Variants in CKMT1B observed in about 807,000 individuals in gnomAD.
CKMT1B encodes creatine kinase U-type, mitochondrial.
In CKMT1B, 13 loss-of-function variants were observed where a neutral mutation model predicts 21.8. The observed-to-expected ratio is 0.60, with a 90% CI of 0.39 to 0.95. The LOEUF (loss-of-function observed/expected upper bound fraction) is 0.95. CKMT1B is among the 40% of genes least tolerant of loss of function. The probability of loss-of-function intolerance (pLI) is 0.00; values close to 1 mark genes in which losing one functional copy is unlikely to be tolerated. For synonymous variants in CKMT1B, 50 were observed against 80.3 expected (o/e 0.62, Z 2.02); for missense variants, 157 against 227.5 (o/e 0.69, Z 1.99).
chr15:43,598,363 A>T (rs1317729608), intron 7 of CKMT1B, 36 bp downstream of exon 7: 1 of 1,595,794 alleles, frequency 6.3e-7, no homozygotes, highest in Admixed American at 1.7e-5. Flanking sequence ...GGGTGTGAGT[A>T]AGGAAGGGTG....
rs532632372 is a variant in CKMT1B, at chr15:43,596,666, C to T, written c.876+135C>T. 307 of 1,407,906 alleles carry T rather than the reference C, an allele frequency of 2.2e-4. 37 individuals are homozygous for T. In the East Asian group the frequency reaches 6.1e-3, roughly 28 times the overall value. The allele number at this position is 1,407,906 out of a possible 1,614,324, so 87.2% of individuals were successfully genotyped here. A position where few individuals can be genotyped will look rare whatever the true frequency, so the allele number is the denominator to read the frequency against. On this transcript the variant is annotated intron_variant, in intron 6 of 8. Coordinates refer to ENST00000441322, the MANE Select transcript of CKMT1B (RefSeq NM_001375484.1). Reference sequence around the variant, plus strand: ...AAAAAGGACTATCTAGGACTCACTCCAGGACTAAAGGTGTAAACCAGCTGG... The same window carrying T: ...AAAAAGGACTATCTAGGACTCACTCTAGGACTAAAGGTGTAAACCAGCTGG...
intron 8 of CKMT1B, 37 bp downstream of exon 8, chr15:43,598,989 G>C (rs1485009235): frequency 6.2e-7 from 1 of 1,608,544 alleles, no homozygotes; most frequent in Non-Finnish European, 8.5e-7. Context: ...GAGAGGTATA[G>C]GTCTGCGAGG....
chr15:43,598,680 C>A (rs1374688129), intron 7 of CKMT1B, 147 bp from the exon 8 acceptor site: 4 of 1,148,880 alleles, frequency 3.5e-6, no homozygotes, highest in East Asian at 5.6e-5. Flanking sequence ...CAGAGAGAGA[C>A]CCTGTCTAAA....
At chr15:43,597,547 C>G in intron 6 of CKMT1B, 1 of 1,130,600 alleles carries the variant, frequency 8.8e-7, no homozygotes, top group South Asian at 1.7e-5. Context: ...AAAGAGGATC[C>G]CTTTACTCAT....
chr15:43,597,536 T>C lies in CKMT1B; in HGVS notation c.877-657T>C, dbSNP rs3890552. Reference sequence around the variant, plus strand: ...CTATGGCATGGTTCCTTCTGAACTATAAAGAGGATCCCTTTACTCATGTTG... The same window carrying C: ...CTATGGCATGGTTCCTTCTGAACTACAAAGAGGATCCCTTTACTCATGTTG... On this transcript the variant is annotated intron_variant, in intron 6 of 8. Coordinates refer to ENST00000441322, the MANE Select transcript of CKMT1B (RefSeq NM_001375484.1). The C allele has an allele frequency of 9.7e-4, 1,145 of 1,174,898 alleles. 119 individuals carry two copies. In the African/African-American group the frequency reaches 0.018, roughly 18 times the overall value. 72.8% of individuals were successfully genotyped at this position (1,174,898 alleles called of 1,614,324 possible).
chr15:43,598,371 G>C, intron 7 of CKMT1B, 44 bp downstream of exon 7: 1 of 1,596,158 alleles, frequency 6.3e-7, no homozygotes, highest in South Asian at 1.1e-5. Context: ...GTAAGGAAGG[G>C]TGGGTTGTGG....
intron 6 of CKMT1B, chr15:43,597,481 T>A: frequency 1.6e-6 from 2 of 1,259,342 alleles, no homozygotes; most frequent in Admixed American, 5.0e-5. Context: ...TGGAAGAGTT[T>A]CCCCCCATGT....
Position 43,596,087 on chromosome 15 carries a change from T to C in CKMT1B, c.666+10T>C. Reference sequence around the variant, plus strand: ...GCAGCAGCTTATTGATGTGAGGGCCTTAAGAGGGTGCTGGTTGGTGGGAGC... The same window carrying C: ...GCAGCAGCTTATTGATGTGAGGGCCCTAAGAGGGTGCTGGTTGGTGGGAGC... On this transcript the variant is annotated intron_variant, in intron 4 of 8. Transcript: ENST00000441322. 2 of 276,520 alleles carry C rather than the reference T, an allele frequency of 7.2e-6. No homozygotes were observed. Among genetic ancestry groups the C allele is most frequent in the Non-Finnish European group, 1.2e-5 (2 of 163,864 alleles). 17.1% of individuals were successfully genotyped at this position (276,520 alleles called of 1,614,324 possible).
chr15:43,598,073 T>C lies in CKMT1B; in HGVS notation c.877-120T>C, dbSNP rs1028132440. The C allele has an allele frequency of 5.8e-5, 86 of 1,487,052 alleles. 1 individual carries two copies. The highest frequency in any genetic ancestry group is 1.8e-4 in the Middle Eastern group (1 of 5,564). 92.1% of individuals were successfully genotyped at this position (1,487,052 alleles called of 1,614,324 possible). A position where few individuals can be genotyped will look rare whatever the true frequency, so the allele number is the denominator to read the frequency against. ...TTTAAAAAAAGACCAATGTCATTCA[T>C]TCACAGCCAAGTTTCTGTTCTAGAC... On this transcript the variant is annotated intron_variant, in intron 6 of 8. Transcript: ENST00000441322.
At position 43,599,383 on chromosome 15, in the gene CKMT1B, G is replaced by A. The variant is rs1250063077; in HGVS notation, c.*110G>A. Reference sequence around the variant, plus strand: ...CCCCGCATCCCCTGCCTCCATCCTAGTAAAGACTCCTTGCTATGCTGCAGC... The same window carrying A: ...CCCCGCATCCCCTGCCTCCATCCTAATAAAGACTCCTTGCTATGCTGCAGC... On this transcript the variant is annotated 3_prime_UTR_variant, in exon 9 of 9. Coordinates refer to ENST00000441322, the MANE Select transcript of CKMT1B (RefSeq NM_001375484.1). The A allele has an allele frequency of 6.4e-7, 1 of 1,554,770 alleles. No homozygotes were observed. Among genetic ancestry groups the A allele is most frequent in the Non-Finnish European group, 8.8e-7 (1 of 1,139,224 alleles).
Position 43,596,436 on chromosome 15 carries a change from T to C in CKMT1B, c.781T>C (p.Trp261Arg). Residue 261 changes from tryptophan (W) to arginine (R), a missense_variant, in exon 6 of 9, where the codon TGG becomes CGG. Physicochemically the swap from Trp to Arg is moderately radical, Grantham distance 101 (BLOSUM62 -3). Coordinates refer to ENST00000441322, the MANE Select transcript of CKMT1B (RefSeq NM_001375484.1). ...CAACAATGAGAAGAGCTTCCTGATC[T>C]GGGTGAATGAGGAGGATCATACACG... is the stretch of plus-strand genomic sequence containing the variant. ...WHNNEKSFLI[W>R]VNEEDHTRVI... 6.3e-7 allele frequency: 1 copy of C among 1,589,164 alleles called. No homozygotes were observed. The highest frequency in any genetic ancestry group is 1.1e-5 in the South Asian group (1 of 89,982).
At position 43,598,207 on chromosome 15, in the gene CKMT1B, C is replaced by T; in HGVS notation, c.891C>T (p.Ile297=). ...TGTGGACTCAGGTGGAGAGACTTAT[C>T]CAAGAACGTGGCTGGGAGTTCATGT... ...CRGLKEVERL[I]QERGWEFMWN... The change falls in exon 7 of 9, where the codon ATC becomes ATT. Residue 297 remains isoleucine, a synonymous_variant. Coordinates refer to ENST00000441322, the MANE Select transcript of CKMT1B (RefSeq NM_001375484.1). The T allele has an allele frequency of 6.2e-7, 1 of 1,608,444 alleles. No individual in the cohort carries two copies. The highest frequency in any genetic ancestry group is 1.7e-4 in the Middle Eastern group (1 of 6,054).
chr15:43,597,852 T>A, intron 6 of CKMT1B: 4 of 1,189,558 alleles, frequency 3.4e-6, no homozygotes, highest in Non-Finnish European at 4.2e-6. Flanking sequence ...AGATAATCGA[T>A]GCATGCAGAC....
At chr15:43,597,861 A>T (rs2085599032) in intron 6 of CKMT1B, 3 of 1,237,726 alleles carry the variant, frequency 2.4e-6, no homozygotes, top group Non-Finnish European at 3.0e-6. Context: ...ATGCATGCAG[A>T]CCTCATTGAA....
intron 6 of CKMT1B, 133 bp from the exon 7 acceptor site, chr15:43,598,060 C>G: frequency 1.4e-6 from 2 of 1,475,498 alleles, no homozygotes; most frequent in Non-Finnish European, 9.0e-7. Context: ...TAAAAAAAGA[C>G]CAATGTCATT....
At position 43,597,330 on chromosome 15, in the gene CKMT1B, T is replaced by C. The variant is rs547778709; in HGVS notation, c.876+799T>C. The C allele has an allele frequency of 7.6e-6, 7 of 922,304 alleles. No homozygotes were observed. In the East Asian group the frequency reaches 2.1e-4, roughly 28 times the overall value. The allele number at this position is 922,304 out of a possible 1,614,324, so 57.1% of individuals were successfully genotyped here. A position where few individuals can be genotyped will look rare whatever the true frequency, so the allele number is the denominator to read the frequency against. Reference sequence around the variant, plus strand: ...AGTACCTTTAAATTATATGCCTCAGTTTCCTCATCTGTAAAATTGGGATAA... The same window carrying C: ...AGTACCTTTAAATTATATGCCTCAGCTTCCTCATCTGTAAAATTGGGATAA... On this transcript the variant is annotated intron_variant, in intron 6 of 8. Transcript: ENST00000441322.
chr15:43,598,737 G>C, intron 7 of CKMT1B, 90 bp from the exon 8 acceptor site: 1 of 1,466,282 alleles, frequency 6.8e-7, no homozygotes, highest in Non-Finnish European at 9.0e-7. Flanking sequence ...AAGTTCAGGA[G>C]ACAGAGCTCT....
At position 43,598,192 on chromosome 15, in the gene CKMT1B, G is replaced by C. The variant is rs1428065951; in HGVS notation, c.877-1G>C. On this transcript the variant is annotated splice_acceptor_variant, in intron 6 of 8. Coordinates refer to ENST00000441322, the MANE Select transcript of CKMT1B (RefSeq NM_001375484.1). LOFTEE classifies it high-confidence loss of function. ...CGTTAACAAAACCTTTGTGGACTCA[G>C]GTGGAGAGACTTATCCAAGAACGTG... The C allele has an allele frequency of 4.4e-6, 7 of 1,608,846 alleles. 1 individual carries two copies. Among genetic ancestry groups the C allele is most frequent in the Non-Finnish European group, 5.9e-6 (7 of 1,179,754 alleles).
chr15:43,598,078 A>T, intron 6 of CKMT1B, 115 bp from the exon 7 acceptor site: 3 of 1,490,408 alleles, frequency 2.0e-6, no homozygotes, highest in Non-Finnish European at 2.7e-6. Context: ...ATTCATTCAC[A>T]GCCAAGTTTC....
Sources: gnomAD v4.1 joint callset for allele counts on GRCh38, gnomAD v4.1.1 for gene constraint, MANE v1.5 for transcripts, NCBI Gene and HGNC (gene_info 2026-07-23, HGNC 2026-07-21) for gene names.